SAMD12: variants seen among roughly 807,000 people sequenced by gnomAD.
The protein encoded by SAMD12 is sterile alpha motif domain-containing protein 12.
A neutral mutation model predicts 15.0 loss-of-function variants in SAMD12; 9 were observed. That is an observed-to-expected ratio of 0.60 (90% CI 0.36 to 1.05). The LOEUF is 1.05. SAMD12 is among the 50% of genes least tolerant of loss of function. The probability of loss-of-function intolerance (pLI) is 0.01; values close to 1 mark genes in which losing one functional copy is unlikely to be tolerated. For synonymous variants in SAMD12, 86 were observed against 90.1 expected, an observed-to-expected ratio of 0.96 and a Z score of 0.25; for missense variants, 230 against 234.2, an observed-to-expected ratio of 0.98 and a Z score of 0.12.
At chr8:118,486,849 G>A (rs1008379229) in intron 2 of SAMD12, among the ~76,000 whole-genome samples, 1 of 152,230 alleles carries the variant, frequency 6.6e-6, no homozygotes, top group Non-Finnish European at 1.5e-5. Flanking sequence ...GGCCCGAAGA[G>A]CAAGGCTCTG....
Position 118,431,687 on chromosome 8 carries a change from CGTGTGTGTGTGTGT to C in SAMD12, c.322+8131_322+8144del, listed in dbSNP as rs56898456. 8.2e-4 allele frequency among the ~76,000 whole-genome samples: 121 copies of C among 147,466 alleles called. No individual in the cohort carries two copies. The Middle Eastern group carries it at 0.024, about 30-fold the overall frequency. ...ACTCCTTTCAAAATTTTACCTTTGT[CGTGTGTGTGTGTGT>C]GTGTGTGTGTGTGTGTGTGTGTGTG... On this transcript the variant is annotated intron_variant, in intron 3 of 3. Coordinates refer to ENST00000314727, the MANE Select transcript of SAMD12 (RefSeq NM_207506.3).
At chr8:118,306,239 G>T (rs1387753942) in intron 4 of SAMD12, among the ~76,000 whole-genome samples, 1 of 152,246 alleles carries the variant, frequency 6.6e-6, no homozygotes, top group African/African-American at 2.4e-5. Flanking sequence ...ATCTTCTACT[G>T]GAGAAAGAAG....
At chr8:118,514,103 T>C (rs1171490117) in intron 2 of SAMD12, among the ~76,000 whole-genome samples, 1 of 152,172 alleles carries the variant, frequency 6.6e-6, no homozygotes, top group East Asian at 1.9e-4. Flanking sequence ...AACTTCAAAT[T>C]TGTAGCCTCT....
At chr8:118,249,509 G>A (rs1322255597) in intron 4 of SAMD12, among the ~76,000 whole-genome samples, 1 of 152,122 alleles carries the variant, frequency 6.6e-6, no homozygotes, top group Non-Finnish European at 1.5e-5. Context: ...ATCCACAGAT[G>A]CAGAACCCAC....
the SAMD12 span, among the ~76,000 whole-genome samples, chr8:118,169,966 A>G: frequency 0.021 from 3,164 of 152,308 alleles, 132 homozygotes; most frequent in African/African-American, 0.072. Flanking sequence ...TAAACATGGT[A>G]CATTCAAGGA....
At chr8:118,446,288 T>C (rs1822909717) in intron 2 of SAMD12, among the ~76,000 whole-genome samples, 1 of 152,032 alleles carries the variant, frequency 6.6e-6, no homozygotes, top group Non-Finnish European at 1.5e-5. Flanking sequence ...ATTAATGGAC[T>C]TTAAAATTTC....
At chr8:118,468,638 G>C (rs949822428) in intron 2 of SAMD12, among the ~76,000 whole-genome samples, 4 of 152,040 alleles carry the variant, frequency 2.6e-5, no homozygotes, top group African/African-American at 9.7e-5. Flanking sequence ...TGGGCACACA[G>C]CTGTTCGAAT....
At chr8:118,226,847 C>T (rs1812200075) in intron 4 of SAMD12, among the ~76,000 whole-genome samples, 1 of 152,108 alleles carries the variant, frequency 6.6e-6, no homozygotes, top group African/African-American at 2.4e-5. Flanking sequence ...CTTGGAAGAA[C>T]ATGGTAGCTT....
chr8:118,521,576 C>T (rs1015853043), intron 2 of SAMD12, among the ~76,000 whole-genome samples: 1 of 152,178 alleles, frequency 6.6e-6, no homozygotes, highest in Admixed American at 6.5e-5. Context: ...TAGTGTTATA[C>T]TCGCAGATAT....
chr8:118,615,522 G>T (rs1425779305), intron 1 of SAMD12, among the ~76,000 whole-genome samples: 1 of 152,098 alleles, frequency 6.6e-6, no homozygotes, highest in African/African-American at 2.4e-5. Flanking sequence ...CAACAGAAAG[G>T]CACCATCTGC....
At chr8:118,369,945 C>T (rs1371462969) in intron 4 of SAMD12, among the ~76,000 whole-genome samples, 1 of 152,066 alleles carries the variant, frequency 6.6e-6, no homozygotes, top group Non-Finnish European at 1.5e-5. Context: ...GAGCTCTGTA[C>T]AGCAAAATAA....
chr8:118,586,723 T>TGGG (rs1445893160), intron 1 of SAMD12, among the ~76,000 whole-genome samples: 1 of 152,176 alleles, frequency 6.6e-6, no homozygotes, highest in African/African-American at 2.4e-5. Flanking sequence ...GCTAAATCTA[T>TGGG]GACTAGGAGC....
At chr8:118,601,366 T>TA (rs1375486574) in intron 1 of SAMD12, among the ~76,000 whole-genome samples, 1 of 152,240 alleles carries the variant, frequency 6.6e-6, no homozygotes, top group African/African-American at 2.4e-5. Context: ...CTTTTAGGTC[T>TA]AAATATATGA....
intron 4 of SAMD12, among the ~76,000 whole-genome samples, chr8:118,341,421 A>G (rs1418277520): frequency 6.6e-6 from 1 of 152,250 alleles, no homozygotes; most frequent in Non-Finnish European, 1.5e-5. Flanking sequence ...TTAATATGCC[A>G]TAGTCTAAGA....
the SAMD12 span, among the ~76,000 whole-genome samples, chr8:118,167,874 G>A: frequency 6.6e-6 from 1 of 152,074 alleles, no homozygotes; most frequent in Admixed American, 6.5e-5. Flanking sequence ...TGTTCTTGGG[G>A]GTTGTTGGCT....
At chr8:118,562,683 T>G (rs1223167140) in intron 2 of SAMD12, among the ~76,000 whole-genome samples, 1 of 152,226 alleles carries the variant, frequency 6.6e-6, no homozygotes, top group South Asian at 2.1e-4. Context: ...AATCACAGCA[T>G]GCACGATGCA....
chr8:118,400,985 C>T (rs1820841773), intron 3 of SAMD12, among the ~76,000 whole-genome samples: 1 of 152,224 alleles, frequency 6.6e-6, no homozygotes, highest in African/African-American at 2.4e-5. Context: ...TACAACTTCA[C>T]TATTACAGTG....
chr8:118,382,911 G>A (rs1202881742), intron 3 of SAMD12, among the ~76,000 whole-genome samples: 1 of 152,072 alleles, frequency 6.6e-6, no homozygotes, highest in Non-Finnish European at 1.5e-5. Context: ...AACAAAATCC[G>A]ATTCACGGTC....
chr8:118,171,951 T>C, the SAMD12 span, among the ~76,000 whole-genome samples: 1 of 152,130 alleles, frequency 6.6e-6, no homozygotes, highest in African/African-American at 2.4e-5. Flanking sequence ...TCATGTCTTT[T>C]GTAGGGTCAT....
Sources: gnomAD v4.1 joint callset for allele counts (sites outside exome capture counted in the v4.1 genomes callset) on GRCh38, gnomAD v4.1.1 for gene constraint, MANE v1.5 for transcripts, NCBI Gene and HGNC (gene_info 2026-07-23, HGNC 2026-07-21) for gene names.